LYVE1: variants seen among roughly 807,000 people sequenced by gnomAD.
The protein encoded by LYVE1 is lymphatic vessel endothelial hyaluronan receptor 1.
Under a neutral mutation model 31.5 loss-of-function variants are expected in LYVE1, and 29 were observed. That is an observed-to-expected ratio of 0.92 (90% CI 0.69 to 1.26). The LOEUF (loss-of-function observed/expected upper bound fraction) is 1.26. Among genes scored for constraint, LYVE1 ranks in the 50% most tolerant of loss-of-function variants. LYVE1 has a pLI of 0.00. For missense variants in LYVE1, 376 were observed against 380.2 expected (o/e 0.99, Z 0.09); for synonymous variants, 134 against 139.4 (o/e 0.96, Z 0.27).
At chr11:10,559,380 C>T (rs915362966) in intron 5 of LYVE1, 83 bp from the exon 6 acceptor site, 36 of 1,004,838 alleles carry the variant, frequency 3.6e-5, no homozygotes, top group Non-Finnish European at 1.5e-6. Context: ...TACATATTGG[C>T]ACAGTACACT....
At position 10,561,181 on chromosome 11, in the gene LYVE1, G is replaced by GT. The variant is rs200893482; in HGVS notation, c.398-382_398-381insA. ...TTAGCTTACTCTGACTCATCCCTCA[G>GT]GTCTCAGATTGACCCTGTCTTTCTC... On this transcript the variant is annotated intron_variant, in intron 3 of 5. Coordinates refer to ENST00000256178, the MANE Select transcript of LYVE1 (RefSeq NM_006691.4). 8.7e-3 allele frequency among the ~76,000 whole-genome samples: 1,321 copies of GT among 152,202 alleles called. 16 individuals carry two copies. The highest frequency in any genetic ancestry group is 0.03 in the African/African-American group (1,264 of 41,522).
chr11:10,561,909 T>C (rs1850433541), intron 3 of LYVE1, among the ~76,000 whole-genome samples: 1 of 152,150 alleles, frequency 6.6e-6, no homozygotes, highest in South Asian at 2.1e-4. Flanking sequence ...CCATGGCACA[T>C]GTATACCTAT....
intron 4 of LYVE1, 62 bp downstream of exon 4, chr11:10,560,433 A>G: frequency 1.2e-5 from 17 of 1,409,176 alleles, no homozygotes; most frequent in Non-Finnish European, 1.5e-5. Flanking sequence ...GCAGGATTCT[A>G]TGAATTATCT....
rs562660202 is a variant in LYVE1, at chr11:10,561,182, G to T, written c.398-382C>A. 8.7e-3 allele frequency among the ~76,000 whole-genome samples: 1,321 copies of T among 152,228 alleles called. 16 individuals are homozygous for T. Among genetic ancestry groups the T allele is most frequent in the African/African-American group, 0.03 (1,264 of 41,516 alleles). On this transcript the variant is annotated intron_variant, in intron 3 of 5. Transcript: ENST00000256178. ...TAGCTTACTCTGACTCATCCCTCAGGTCTCAGATTGACCCTGTCTTTCTCA... is the reference window on the plus strand; with the variant it reads ...TAGCTTACTCTGACTCATCCCTCAGTTCTCAGATTGACCCTGTCTTTCTCA...
chr11:10,560,089 C>G (rs545013855), intron 4 of LYVE1, among the ~76,000 whole-genome samples, 195 bp from the exon 5 acceptor site: 1 of 152,300 alleles, frequency 6.6e-6, no homozygotes, highest in African/African-American at 2.4e-5. Context: ...CTCACACTCT[C>G]AATTCTATCA....
At chr11:10,564,101 T>C (rs1850486489) in intron 2 of LYVE1, 22 bp from the exon 3 acceptor site, 1 of 1,614,112 alleles carries the variant, frequency 6.2e-7, no homozygotes, top group African/African-American at 1.3e-5. Flanking sequence ...TACACACTAG[T>C]TGAACAGAAA....
intron 3 of LYVE1, among the ~76,000 whole-genome samples, 153 bp from the exon 4 acceptor site, chr11:10,560,953 C>A (rs536348197): frequency 6.6e-6 from 1 of 152,222 alleles, no homozygotes; most frequent in Non-Finnish European, 1.5e-5. Context: ...TCCTTAGAAG[C>A]CTTCAGTGGC....
intron 5 of LYVE1, 88 bp from the exon 6 acceptor site, chr11:10,559,385 T>C: frequency 2.2e-6 from 2 of 899,664 alleles, no homozygotes; most frequent in South Asian, 3.3e-5. Context: ...ATTGGCACAG[T>C]ACACTGGATA....
chr11:10,560,008 T>C (rs1038403132), intron 4 of LYVE1, 114 bp from the exon 5 acceptor site: 1 of 709,200 alleles, frequency 1.4e-6, no homozygotes, highest in Non-Finnish European at 2.4e-6. Context: ...AAACCTTCTC[T>C]GTAGCCCTTT....
Position 10,568,615 on chromosome 11 carries a change from A to G in LYVE1, c.-83T>C. On this transcript the variant is annotated 5_prime_UTR_variant, in exon 1 of 6. Transcript: ENST00000256178. The stretch of plus-strand genomic sequence containing the variant: ...GGCAGATGCTCAATAACTAGTCCGG[A>G]TGGAGAGTTCTGGAACTATGTTGAG... The G allele has an allele frequency of 6.6e-7, 1 of 1,517,466 alleles. No individual in the cohort carries two copies. Among genetic ancestry groups the G allele is most frequent in the Admixed American group, 2.1e-5 (1 of 48,068 alleles). 94.0% of individuals were successfully genotyped at this position (1,517,466 alleles called of 1,614,324 possible). A position where few individuals can be genotyped will look rare whatever the true frequency, so the allele number is the denominator to read the frequency against.
In LYVE1 at chr11:10,568,588, G is replaced by C. The variant is rs757524183; in HGVS notation, c.-56C>G. On this transcript the variant is annotated 5_prime_UTR_variant, in exon 1 of 6. Coordinates refer to ENST00000256178, the MANE Select transcript of LYVE1 (RefSeq NM_006691.4). ...CCTCAGATGGCCACTGGTGATATGA[G>C]AGGCAGATGCTCAATAACTAGTCCG... 6.3e-7 allele frequency: 1 copy of C among 1,584,618 alleles called. No individual in the cohort carries two copies. The highest frequency in any genetic ancestry group is 8.6e-7 in the Non-Finnish European group (1 of 1,163,526).
At chr11:10,565,860 G>T (rs1477419686) in intron 1 of LYVE1, among the ~76,000 whole-genome samples, 1 of 151,938 alleles carries the variant, frequency 6.6e-6, no homozygotes, top group Non-Finnish European at 1.5e-5. Flanking sequence ...GCCCAGGCTG[G>T]AGTGCAATAG....
chr11:10,563,762 T>G lies in LYVE1; in HGVS notation c.397+178A>C, dbSNP rs112364463. On this transcript the variant is annotated intron_variant, in intron 3 of 5. Coordinates refer to ENST00000256178, the MANE Select transcript of LYVE1 (RefSeq NM_006691.4). ...CCATTCAGTTATATCTCTCCTAACT[T>G]TTTCCTTTGAGGGGCATATTGCCAC... Among the ~76,000 whole-genome samples, 84 of 152,254 alleles carry G rather than the reference T, an allele frequency of 5.5e-4. 1 individual carries two copies. The highest frequency in any genetic ancestry group is 2.0e-3 in the African/African-American group (81 of 41,536).
chr11:10,567,219 A>T (rs558467129), intron 1 of LYVE1, among the ~76,000 whole-genome samples: 1 of 152,230 alleles, frequency 6.6e-6, no homozygotes. Context: ...GCCCTCAAAT[A>T]TAGTTCCCAC....
intron 1 of LYVE1, among the ~76,000 whole-genome samples, chr11:10,567,174 A>G (rs963794137): frequency 1.3e-5 from 2 of 152,354 alleles, no homozygotes; most frequent in East Asian, 3.9e-4. Flanking sequence ...ATGAAATTGT[A>G]TATACACACC....
In LYVE1 at chr11:10,563,957, T is replaced by C. The variant is rs141810207; in HGVS notation, c.380A>G (p.Tyr127Cys). Reference sequence around the variant, plus strand: ...AGACTCACCAGATGAGTTGTAACAATAGGCTGCAAACTGTCGGCTCACTGG... The same window carrying C: ...AGACTCACCAGATGAGTTGTAACAACAGGCTGCAAACTGTCGGCTCACTGG... ...KVPVSRQFAA[Y>C]CYNSSDTWTN... Residue 127 changes from tyrosine (Y) to cysteine (C), a missense_variant, in exon 3 of 6, where the codon TAT becomes TGT. Tyr to Cys is a radical substitution (Grantham distance 194). Coordinates refer to ENST00000256178, the MANE Select transcript of LYVE1 (RefSeq NM_006691.4). The C allele has an allele frequency of 6.2e-7, 1 of 1,614,128 alleles. No homozygotes were observed. Among genetic ancestry groups the C allele is most frequent in the Non-Finnish European group, 8.5e-7 (1 of 1,180,034 alleles).
rs183911250 is a variant in LYVE1 at position 10,560,480 on chromosome 11, A to C, written c.703+15T>G. On this transcript the variant is annotated intron_variant, in intron 4 of 5. Coordinates refer to ENST00000256178, the MANE Select transcript of LYVE1 (RefSeq NM_006691.4). ...ACATACATACACACGTAACATAGAC[A>C]CAGAAACCATTTACCTCCAAACCCA... The C allele has an allele frequency of 3.5e-5, 55 of 1,584,178 alleles. No homozygotes were observed. Among genetic ancestry groups the C allele is most frequent in the South Asian group, 5.7e-5 (5 of 86,980 alleles).
In LYVE1 at chr11:10,560,668, G is replaced by A; in HGVS notation, c.530C>T (p.Thr177Ile). The A allele has an allele frequency of 6.2e-7, 1 of 1,614,128 alleles. No individual in the cohort carries two copies. The highest frequency in any genetic ancestry group is 1.1e-5 in the South Asian group (1 of 91,078). Residue 177 changes from threonine (T) to isoleucine (I), a missense_variant, in exon 4 of 6, where the codon ACA (threonine) becomes ATA (isoleucine). Coordinates refer to ENST00000256178, the MANE Select transcript of LYVE1 (RefSeq NM_006691.4). ...AGGAGTAGTAGTAGGGGCAGGTATTGTAGAGTAAGGGGATGCCACCGAGTA... is the reference window on the plus strand; with the variant it reads ...AGGAGTAGTAGTAGGGGCAGGTATTATAGAGTAAGGGGATGCCACCGAGTA... ...STYSVASPYS[T>I]IPAPTTTPPA...
intron 3 of LYVE1, among the ~76,000 whole-genome samples, chr11:10,563,728 C>T (rs1475035050): frequency 5.9e-5 from 9 of 152,148 alleles, no homozygotes; most frequent in Admixed American, 5.2e-4. Flanking sequence ...AATGTCTTCT[C>T]GTGTGTTGCC....
Sources: allele counts gnomAD v4.1 joint callset (sites outside exome capture counted in the v4.1 genomes callset), GRCh38; gene constraint gnomAD v4.1.1; transcripts MANE v1.5; gene names NCBI Gene and HGNC (gene_info 2026-07-23, HGNC 2026-07-21).